The following ADAMTSL1 variants were observed in gnomAD, a reference collection of about 807,000 sequenced individuals.
ADAMTSL1 encodes ADAMTS like 1.
ADAMTSL1 carries 126 observed loss-of-function variants against 201.8 expected under a neutral mutation model. That is an observed-to-expected ratio of 0.62 (90% confidence interval 0.54 to 0.72). The LOEUF is 0.72. Ranked by LOEUF, ADAMTSL1 falls within the 30% of genes least tolerant of loss-of-function variation. The pLI, the probability that ADAMTSL1 is intolerant of heterozygous loss-of-function variation, is 0.00. For missense variants in ADAMTSL1, 2,679 were observed against 2,277.8 expected (o/e 1.18, Z -3.59); for synonymous variants, 1,121 against 903.4 (o/e 1.24, Z -4.32).
At chr9:18,188,279 C>T (rs1295119165) in intron 2 of ADAMTSL1, among the ~76,000 whole-genome samples, 2 of 152,134 alleles carry the variant, frequency 1.3e-5, no homozygotes, top group African/African-American at 4.8e-5. Context: ...CCACTCAACC[C>T]TACACACCGG....
intron 13 of ADAMTSL1, among the ~76,000 whole-genome samples, chr9:18,697,762 T>C (rs1343174613): frequency 6.6e-6 from 1 of 152,212 alleles, no homozygotes; most frequent in African/African-American, 2.4e-5. Flanking sequence ...GATTTTTTAC[T>C]TGAGCAATTA....
intron 16 of ADAMTSL1, among the ~76,000 whole-genome samples, chr9:18,764,008 G>T (rs1010832415): frequency 2.6e-5 from 4 of 152,098 alleles, no homozygotes; most frequent in Non-Finnish European, 2.9e-5. Flanking sequence ...TGAATTTTAA[G>T]ATTGTTTTTC....
chr9:18,587,106 A>C (rs1211317743), intron 4 of ADAMTSL1, among the ~76,000 whole-genome samples: 2 of 152,112 alleles, frequency 1.3e-5, no homozygotes, highest in Non-Finnish European at 2.9e-5. Flanking sequence ...AATGAAATCT[A>C]ATTAAACTAA....
intron 21 of ADAMTSL1, chr9:18,826,083 T>C: frequency 3.1e-6 from 2 of 637,346 alleles, no homozygotes; most frequent in East Asian, 2.7e-5. Flanking sequence ...ACATTTATTC[T>C]GATTCTTTGG....
At position 18,777,022 on chromosome 9, in the gene ADAMTSL1, T is replaced by C. The variant is rs1375911643; in HGVS notation, c.2793T>C (p.Tyr931=). 3.1e-6 allele frequency: 5 copies of C among 1,608,116 alleles called. No homozygotes were observed. In the African/African-American group the frequency reaches 6.7e-5, roughly 22 times the overall value. ...STHVTVAPFG[Y]LKIHRLKPSD... ...ACGTCACGGTGGCCCCCTTCGGCTA[T>C]CTCAAGATCCACCGCCTCAAGCCCT... Residue 931 remains tyrosine, a synonymous_variant, in exon 19 of 29, where the codon TAT becomes TAC. Transcript: ENST00000380548.
intron 2 of ADAMTSL1, among the ~76,000 whole-genome samples, chr9:18,403,155 T>C (rs760688851): frequency 8.3e-5 from 12 of 144,620 alleles, no homozygotes; most frequent in Non-Finnish European, 1.4e-4. Flanking sequence ...TTTCTTGTAA[T>C]CTTTTTTTTT....
At chr9:18,305,301 A>G (rs983694664) in intron 2 of ADAMTSL1, among the ~76,000 whole-genome samples, 23 of 152,142 alleles carry the variant, frequency 1.5e-4, no homozygotes, top group Admixed American at 5.2e-4. Context: ...CCACCAAGCT[A>G]GCTGCAGGAG....
chr9:18,018,227 A>T (rs985038699), intron 1 of ADAMTSL1, among the ~76,000 whole-genome samples: 6 of 152,114 alleles, frequency 3.9e-5, no homozygotes, highest in Non-Finnish European at 7.4e-5. Context: ...TAGTACTTAT[A>T]TTAATAAGAG....
chr9:18,721,736 G>A, intron 15 of ADAMTSL1, 71 bp downstream of exon 15: 6 of 1,553,950 alleles, frequency 3.9e-6, no homozygotes, highest in Non-Finnish European at 5.2e-6. Context: ...CAGTGGGCAA[G>A]ACTGTAACAC....
At chr9:18,704,235 A>C (rs1316894884) in intron 13 of ADAMTSL1, among the ~76,000 whole-genome samples, 1 of 152,216 alleles carries the variant, frequency 6.6e-6, no homozygotes, top group Non-Finnish European at 1.5e-5. Flanking sequence ...ACAATGGCAG[A>C]GTTGAGTAGC....
At chr9:18,768,630 A>G (rs1820504310) in intron 16 of ADAMTSL1, among the ~76,000 whole-genome samples, 1 of 152,140 alleles carries the variant, frequency 6.6e-6, no homozygotes, top group East Asian at 1.9e-4. Flanking sequence ...AATGAAAAAA[A>G]TAAAGGTTTC....
intron 5 of ADAMTSL1, among the ~76,000 whole-genome samples, chr9:18,631,764 A>T (rs10963687): frequency 0.18 from 27,533 of 152,148 alleles, 2,556 homozygotes; most frequent in East Asian, 0.22. Context: ...TTTAAAGAAT[A>T]CTTTTAGGTA....
chr9:18,735,147 C>G (rs558580213), intron 15 of ADAMTSL1, among the ~76,000 whole-genome samples: 7 of 152,274 alleles, frequency 4.6e-5, no homozygotes, highest in African/African-American at 1.7e-4. Context: ...TCAGGACATG[C>G]AAGAGAGAGA....
chr9:18,719,198 T>C (rs1014216205), intron 14 of ADAMTSL1, among the ~76,000 whole-genome samples: 2 of 152,230 alleles, frequency 1.3e-5, no homozygotes, highest in African/African-American at 2.4e-5. Flanking sequence ...AATTTGAATG[T>C]CTAATAGAAA....
intron 1 of ADAMTSL1, among the ~76,000 whole-genome samples, chr9:18,149,424 T>TG (rs1406536978): frequency 6.6e-6 from 1 of 151,894 alleles, no homozygotes; most frequent in Non-Finnish European, 1.5e-5. Context: ...GAAAAGGCTT[T>TG]GGGGGCCTTT....
At chr9:18,280,404 C>CA (rs35683008) in intron 2 of ADAMTSL1, among the ~76,000 whole-genome samples, 3,295 of 131,828 alleles carry the variant, frequency 0.025, 124 homozygotes, top group African/African-American at 0.087. Flanking sequence ...GTTTATCTCT[C>CA]AAAAAAAAAA....
chr9:18,818,651 T>C (rs774879508), intron 21 of ADAMTSL1, among the ~76,000 whole-genome samples: 21 of 151,890 alleles, frequency 1.4e-4, no homozygotes, highest in Non-Finnish European at 2.9e-4. Context: ...AAATTAGCCA[T>C]GTGTGGTGAC....
intron 23 of ADAMTSL1, among the ~76,000 whole-genome samples, chr9:18,869,181 A>C (rs893379017): frequency 6.6e-6 from 1 of 152,242 alleles, no homozygotes; most frequent in Non-Finnish European, 1.5e-5. Flanking sequence ...AGAGGCATGA[A>C]ACAGATTCTT....
chr9:18,412,696 C>G (rs1351066965), intron 2 of ADAMTSL1, among the ~76,000 whole-genome samples: 2 of 152,168 alleles, frequency 1.3e-5, no homozygotes, highest in Non-Finnish European at 2.9e-5. Context: ...CCTTTTGATT[C>G]TCAAGTTATC....
Sources: gnomAD v4.1 joint callset for allele counts (sites outside exome capture counted in the v4.1 genomes callset) on GRCh38, gnomAD v4.1.1 for gene constraint, MANE v1.5 for transcripts, NCBI Gene and HGNC (gene_info 2026-07-23, HGNC 2026-07-21) for gene names.